The following INVS variants were observed in gnomAD, a reference collection of about 807,000 sequenced individuals.
INVS encodes inversin, also known as inversion of embryo turning homolog.
A neutral mutation model predicts 108.8 loss-of-function variants in INVS; 86 were observed. The observed-to-expected ratio is 0.79, with a 90% CI of 0.66 to 0.95. The LOEUF is 0.95. Ranked by LOEUF, INVS falls within the 40% of genes least tolerant of loss-of-function variation. The probability of loss-of-function intolerance (pLI) is 0.00; values close to 1 mark genes in which losing one functional copy is unlikely to be tolerated. For missense variants in INVS, 1,169 were observed against 1,297.4 expected, an observed-to-expected ratio of 0.90 and a Z score of 1.52; for synonymous variants, 455 against 473.5, an observed-to-expected ratio of 0.96 and a Z score of 0.51.
At chr9:100,150,522 C>T (rs1254615881) in intron 3 of INVS, among the ~76,000 whole-genome samples, 3 of 152,122 alleles carry the variant, frequency 2.0e-5, no homozygotes, top group Admixed American at 6.6e-5. Flanking sequence ...ATTTTTATGG[C>T]TGGTAAAAAG....
chr9:100,278,571 G>A (rs537552268), intron 12 of INVS, among the ~76,000 whole-genome samples: 4 of 152,218 alleles, frequency 2.6e-5, no homozygotes, highest in African/African-American at 9.6e-5. Context: ...TAGAATGTTT[G>A]GTATATAGTA....
At chr9:100,175,971 A>G (rs2119054623) in intron 3 of INVS, 2 of 560,888 alleles carry the variant, frequency 3.6e-6, no homozygotes, top group Non-Finnish European at 6.9e-6. Context: ...AATGGAATAC[A>G]GCAGACCACT....
intron 12 of INVS, among the ~76,000 whole-genome samples, chr9:100,278,119 C>T (rs1055188250): frequency 2.6e-5 from 4 of 151,116 alleles, no homozygotes; most frequent in African/African-American, 9.8e-5. Flanking sequence ...TACCTGTAGT[C>T]CCAGCTACTA....
intron 9 of INVS, among the ~76,000 whole-genome samples, 180 bp downstream of exon 9, chr9:100,252,618 G>T (rs1002655019): frequency 3.3e-5 from 5 of 152,156 alleles, no homozygotes; most frequent in Non-Finnish European, 7.3e-5. Flanking sequence ...GTTGGGAGTT[G>T]CTTGATACAG....
At chr9:100,155,940 T>G (rs558119065) in intron 3 of INVS, among the ~76,000 whole-genome samples, 1 of 152,338 alleles carries the variant, frequency 6.6e-6, no homozygotes, top group Admixed American at 6.5e-5. Flanking sequence ...CACTAGCTAC[T>G]GAAAAAGCCT....
chr9:100,251,688 C>T (rs557386050), intron 8 of INVS, among the ~76,000 whole-genome samples: 183 of 152,296 alleles, frequency 1.2e-3, no homozygotes, highest in South Asian at 1.9e-3. Flanking sequence ...TGTGCCACCT[C>T]GCTGTTTCTT....
chr9:100,177,552 A>G (rs1292563558), intron 3 of INVS, among the ~76,000 whole-genome samples: 2 of 152,214 alleles, frequency 1.3e-5, no homozygotes, highest in African/African-American at 2.4e-5. Flanking sequence ...CAGCAAAGCT[A>G]CTGCAGCCAG....
At chr9:100,158,161 A>G (rs1049947888) in intron 3 of INVS, among the ~76,000 whole-genome samples, 5 of 152,072 alleles carry the variant, frequency 3.3e-5, no homozygotes, top group South Asian at 2.1e-4. Context: ...TAGTAGATCT[A>G]TCTTGTTTAT....
chr9:100,192,265 G>GTGTT (rs1485376691), intron 3 of INVS, among the ~76,000 whole-genome samples: 11 of 151,742 alleles, frequency 7.2e-5, no homozygotes, highest in Non-Finnish European at 1.2e-4. Context: ...GTGTGTGTGT[G>GTGTT]TGTGTGTGTG....
chr9:100,225,090 C>T (rs1468077852), intron 3 of INVS, among the ~76,000 whole-genome samples: 2 of 150,670 alleles, frequency 1.3e-5, no homozygotes, highest in Non-Finnish European at 3.0e-5. Flanking sequence ...CGGAGTCTCA[C>T]TCTGTCGCCC....
intron 6 of INVS, among the ~76,000 whole-genome samples, chr9:100,240,584 G>C (rs896464748): frequency 1.3e-5 from 2 of 151,918 alleles, no homozygotes; most frequent in African/African-American, 4.8e-5. Flanking sequence ...TATGATATTT[G>C]AGTTTTTTTC....
chr9:100,276,815 T>C (rs1346940991), intron 12 of INVS, among the ~76,000 whole-genome samples: 1 of 152,172 alleles, frequency 6.6e-6, no homozygotes, highest in Non-Finnish European at 1.5e-5. Context: ...CCCTCATTCT[T>C]AAATACCAGC....
At position 100,127,085 on chromosome 9, in the gene INVS, A is replaced by G. The variant is rs1827909837; in HGVS notation, c.273+536A>G. 2.6e-5 allele frequency among the ~76,000 whole-genome samples: 4 copies of G among 152,030 alleles called. No homozygotes were observed. The South Asian group carries it at 6.2e-4, about 24-fold the overall frequency. On this transcript the variant is annotated intron_variant, in intron 3 of 16. Transcript: ENST00000262457. ...GTGGCGCACACTTGCAGTCCCAGCT[A>G]CTTGTGGGGCTCAGGTGGGAGGATC...
chr9:100,137,887 T>C (rs1436587660), intron 3 of INVS, among the ~76,000 whole-genome samples: 1 of 152,236 alleles, frequency 6.6e-6, no homozygotes, highest in Admixed American at 6.5e-5. Flanking sequence ...TCTCATATTT[T>C]TTCAATGAAC....
intron 3 of INVS, among the ~76,000 whole-genome samples, chr9:100,224,605 G>T (rs1831249590): frequency 2.6e-5 from 4 of 151,954 alleles, no homozygotes. Context: ...TGTGGCCCTT[G>T]TAACTAAGCT....
chr9:100,112,948 T>C (rs1827389067), intron 2 of INVS, among the ~76,000 whole-genome samples: 1 of 152,212 alleles, frequency 6.6e-6, no homozygotes, highest in Non-Finnish European at 1.5e-5. Flanking sequence ...TTGCTAATAC[T>C]AGCTACTACT....
At chr9:100,293,069 C>A in intron 14 of INVS, 26 bp downstream of exon 14, 2 of 1,578,400 alleles carry the variant, frequency 1.3e-6, no homozygotes, top group African/African-American at 1.3e-5. Flanking sequence ...GCTGCCGCAT[C>A]TGTGGTTCTT....
chr9:100,269,779 C>T (rs1307449897), intron 11 of INVS, among the ~76,000 whole-genome samples: 3 of 152,118 alleles, frequency 2.0e-5, no homozygotes, highest in Admixed American at 6.6e-5. Context: ...GAGGAATCAG[C>T]ATCAGTGGTG....
chr9:100,204,953 TAAATTATATAGTATCTCCCATTATCTCAC>T (rs1173688142), intron 3 of INVS, among the ~76,000 whole-genome samples: 1 of 152,166 alleles, frequency 6.6e-6, no homozygotes, highest in Non-Finnish European at 1.5e-5. Flanking sequence ...ACAGTCAGCT[TAAATTATATAGTATCTCCCATTATCTCAC>T]AACAGATGTC....
Sources: allele counts gnomAD v4.1 joint callset (sites outside exome capture counted in the v4.1 genomes callset), GRCh38; gene constraint gnomAD v4.1.1; transcripts MANE v1.5; gene names NCBI Gene and HGNC (gene_info 2026-07-23, HGNC 2026-07-21).